BRINP3: variants seen among roughly 807,000 people sequenced by gnomAD.
BRINP3 encodes the protein BMP/retinoic acid-inducible neural-specific protein 3.
In BRINP3, 19 loss-of-function variants were observed where a neutral mutation model predicts 71.0. The ratio of observed to expected loss-of-function variants is 0.27; its 90% CI spans 0.19 to 0.39. BRINP3 has a LOEUF of 0.39. Ranked by LOEUF, BRINP3 falls within the 10% of genes least tolerant of loss-of-function variation. The probability of loss-of-function intolerance (pLI) is 1.00; values close to 1 mark genes in which losing one functional copy is unlikely to be tolerated. For missense variants in BRINP3, 959 were observed against 940.8 expected (o/e 1.02, Z -0.25); for synonymous variants, 380 against 337.7 (o/e 1.13, Z -1.37).
At chr1:190,418,064 T>G (rs917539106) in intron 2 of BRINP3, among the ~76,000 whole-genome samples, 1 of 152,170 alleles carries the variant, frequency 6.6e-6, no homozygotes, top group Non-Finnish European at 1.5e-5. Flanking sequence ...GTTCTGAGGT[T>G]AAGTATACCT....
intron 1 of BRINP3, among the ~76,000 whole-genome samples, chr1:190,476,981 G>A (rs1180062743): frequency 6.6e-6 from 1 of 152,188 alleles, no homozygotes; most frequent in Non-Finnish European, 1.5e-5. Context: ...CTTCAGTCAT[G>A]TAATTGCTTA....
chr1:190,332,544 C>T (rs909757547), intron 2 of BRINP3, among the ~76,000 whole-genome samples: 1 of 152,014 alleles, frequency 6.6e-6, no homozygotes, highest in Admixed American at 6.6e-5. Flanking sequence ...ACATGGGTCT[C>T]AGAACTCAGG....
chr1:190,105,804 T>C (rs1426128864), intron 7 of BRINP3, among the ~76,000 whole-genome samples: 1 of 151,880 alleles, frequency 6.6e-6, no homozygotes, highest in African/African-American at 2.4e-5. Context: ...TTCAAAAAAA[T>C]CAATAGATAA....
intron 2 of BRINP3, among the ~76,000 whole-genome samples, chr1:190,336,071 C>A (rs1472445767): frequency 6.6e-6 from 1 of 151,938 alleles, no homozygotes; most frequent in Non-Finnish European, 1.5e-5. Context: ...TGCCTTAATT[C>A]CTCTGTTTCC....
At chr1:190,168,050 T>C (rs1651708348) in intron 6 of BRINP3, among the ~76,000 whole-genome samples, 1 of 152,136 alleles carries the variant, frequency 6.6e-6, no homozygotes, top group South Asian at 2.1e-4. Flanking sequence ...CAGTAGCAAC[T>C]ATTAGCCATC....
intron 7 of BRINP3, among the ~76,000 whole-genome samples, chr1:190,148,112 T>C (rs756651602): frequency 6.6e-6 from 1 of 152,130 alleles, no homozygotes; most frequent in Non-Finnish European, 1.5e-5. Flanking sequence ...CTTAGAACCA[T>C]TACATAATAC....
chr1:190,347,202 G>T (rs561116602), intron 2 of BRINP3, among the ~76,000 whole-genome samples: 34 of 152,182 alleles, frequency 2.2e-4, no homozygotes, highest in Middle Eastern at 3.4e-3. Flanking sequence ...GTGTAGTGGT[G>T]CAATTTCGGT....
chr1:190,384,016 A>G (rs1233522600), intron 2 of BRINP3, among the ~76,000 whole-genome samples: 3 of 152,012 alleles, frequency 2.0e-5, no homozygotes, highest in South Asian at 4.1e-4. Context: ...AAGTTAAGTA[A>G]CATCATAAAA....
chr1:190,269,737 T>C (rs115377582), intron 3 of BRINP3, among the ~76,000 whole-genome samples: 2,342 of 152,162 alleles, frequency 0.015, 77 homozygotes, highest in African/African-American at 0.053. Flanking sequence ...CTAAAATCCA[T>C]ACTTTGACAA....
chr1:190,183,220 A>T (rs1653187833), intron 6 of BRINP3, among the ~76,000 whole-genome samples: 2 of 151,908 alleles, frequency 1.3e-5, no homozygotes, highest in South Asian at 4.2e-4. Flanking sequence ...TTACCTTCTC[A>T]TTGGCATCTT....
chr1:190,461,186 CT>C (rs1415890496), intron 1 of BRINP3, among the ~76,000 whole-genome samples: 1 of 152,160 alleles, frequency 6.6e-6, no homozygotes, highest in Non-Finnish European at 1.5e-5. Context: ...CTATCCATAT[CT>C]TTCTTATGTA....
intron 2 of BRINP3, among the ~76,000 whole-genome samples, chr1:190,442,526 G>C (rs1482939472): frequency 1.3e-5 from 2 of 152,100 alleles, no homozygotes; most frequent in African/African-American, 4.8e-5. Context: ...GAAAAGAATA[G>C]GTAGATTCCA....
At position 190,276,207 on chromosome 1, in the gene BRINP3, T is replaced by A. The variant is rs1006492067; in HGVS notation, c.427+5353A>T. Reference sequence around the variant, plus strand: ...ATCTCAAGTAATTATTCATATTTCTTTAAGAAATAAATTATTTATGTGTGT... The same window carrying A: ...ATCTCAAGTAATTATTCATATTTCTATAAGAAATAAATTATTTATGTGTGT... On this transcript the variant is annotated intron_variant, in intron 3 of 7. Transcript: ENST00000367462. Among the ~76,000 whole-genome samples, 3 of 151,620 alleles carry A rather than the reference T, an allele frequency of 2.0e-5. No individual in the cohort carries two copies. In the East Asian group the frequency reaches 5.8e-4, roughly 29 times the overall value.
intron 2 of BRINP3, among the ~76,000 whole-genome samples, chr1:190,311,339 C>T (rs1665502327): frequency 6.6e-6 from 1 of 151,530 alleles, no homozygotes; most frequent in South Asian, 2.1e-4. Context: ...GACCTGAGCA[C>T]AGACATGGAT....
chr1:190,415,604 A>G (rs905812135), intron 2 of BRINP3, among the ~76,000 whole-genome samples: 1 of 152,204 alleles, frequency 6.6e-6, no homozygotes, highest in East Asian at 1.9e-4. Flanking sequence ...AATATAATTC[A>G]GATTTTAAAA....
chr1:190,412,930 T>C (rs1460887509), intron 2 of BRINP3, among the ~76,000 whole-genome samples: 5 of 151,686 alleles, frequency 3.3e-5, no homozygotes, highest in African/African-American at 9.7e-5. Flanking sequence ...AGAAAGAAAA[T>C]AGGAAGGAAG....
chr1:190,206,034 T>G (rs759266164), intron 6 of BRINP3, among the ~76,000 whole-genome samples: 1 of 152,030 alleles, frequency 6.6e-6, no homozygotes, highest in African/African-American at 2.4e-5. Flanking sequence ...GAAATCCTAC[T>G]ATATTGCTGC....
At chr1:190,456,253 C>T (rs1571359876) in intron 1 of BRINP3, among the ~76,000 whole-genome samples, 1 of 152,088 alleles carries the variant, frequency 6.6e-6, no homozygotes, top group Non-Finnish European at 1.5e-5. Flanking sequence ...TCTGAAGTAG[C>T]TCAAAGCAGT....
chr1:190,352,661 G>C (rs551942714), intron 2 of BRINP3, among the ~76,000 whole-genome samples: 1 of 151,802 alleles, frequency 6.6e-6, no homozygotes. Context: ...ATCTCAAGAC[G>C]TTATAACCTA....
Sources: allele counts gnomAD v4.1 joint callset (sites outside exome capture counted in the v4.1 genomes callset), GRCh38; gene constraint gnomAD v4.1.1; transcripts MANE v1.5; gene names NCBI Gene and HGNC (gene_info 2026-07-23, HGNC 2026-07-21).